Variants in EPB41L5 observed in about 807,000 individuals in gnomAD.
EPB41L5 encodes erythrocyte membrane protein band 4.1 like 5.
Under a neutral mutation model 106.6 loss-of-function variants are expected in EPB41L5, and 55 were observed. The ratio of observed to expected loss-of-function variants is 0.52; its 90% CI spans 0.42 to 0.65. The LOEUF (loss-of-function observed/expected upper bound fraction) is 0.65. Ranked by LOEUF, EPB41L5 falls within the 30% of genes least tolerant of loss-of-function variation. The pLI is 0.00. For missense variants in EPB41L5, 871 were observed against 882.1 expected, an observed-to-expected ratio of 0.99 and a Z score of 0.16; for synonymous variants, 297 against 306.7, an observed-to-expected ratio of 0.97 and a Z score of 0.33.
intron 5 of EPB41L5, among the ~76,000 whole-genome samples, chr2:120,074,969 C>T (rs1373367565): frequency 6.6e-6 from 1 of 152,168 alleles, no homozygotes; most frequent in South Asian, 2.1e-4. Context: ...GCTGGGATTA[C>T]AGGCACGTGC....
chr2:120,104,350 G>C, intron 16 of EPB41L5: 1 of 1,418,488 alleles, frequency 7.0e-7, no homozygotes, highest in Non-Finnish European at 9.2e-7. Flanking sequence ...AGAATTTACA[G>C]TGAGTCACTA....
intron 20 of EPB41L5, among the ~76,000 whole-genome samples, chr2:120,158,053 A>G (rs1295557255): frequency 6.6e-6 from 1 of 152,176 alleles, no homozygotes; most frequent in Non-Finnish European, 1.5e-5. Context: ...GCCAGGAAGA[A>G]ATTGAAACCT....
intron 2 of EPB41L5, among the ~76,000 whole-genome samples, chr2:120,039,658 TC>T (rs1280767289): frequency 6.6e-6 from 1 of 151,932 alleles, no homozygotes; most frequent in Non-Finnish European, 1.5e-5. Context: ...AAATCCCATC[TC>T]TACTAAAAAT....
At chr2:120,158,936 A>G (rs1687016372) in intron 20 of EPB41L5, among the ~76,000 whole-genome samples, 1 of 152,218 alleles carries the variant, frequency 6.6e-6, no homozygotes, top group South Asian at 2.1e-4. Context: ...GCATTCCTAT[A>G]CACCAACAAT....
chr2:120,172,020 AAAG>A (rs1687697939), intron 24 of EPB41L5, among the ~76,000 whole-genome samples: 2 of 73,770 alleles, frequency 2.7e-5, no homozygotes, highest in South Asian at 7.6e-4. Flanking sequence ...AAAAAAAAAA[AAAG>A]GAAAACAAGC....
chr2:120,037,521 A>G (rs1679119199), intron 2 of EPB41L5, among the ~76,000 whole-genome samples: 1 of 152,202 alleles, frequency 6.6e-6, no homozygotes, highest in Non-Finnish European at 1.5e-5. Context: ...AAACTACAGA[A>G]TCAAAAACTG....
At chr2:120,051,351 A>G (rs923031993) in intron 3 of EPB41L5, among the ~76,000 whole-genome samples, 3 of 152,194 alleles carry the variant, frequency 2.0e-5, no homozygotes, top group Non-Finnish European at 2.9e-5. Flanking sequence ...AGCCTCAGCA[A>G]TGGTGGGTGC....
At chr2:120,050,714 T>A (rs765826892) in intron 3 of EPB41L5, among the ~76,000 whole-genome samples, 2 of 152,224 alleles carry the variant, frequency 1.3e-5, no homozygotes, top group Non-Finnish European at 2.9e-5. Context: ...GCTGCGTTCC[T>A]TTGGAGGGGG....
intron 2 of EPB41L5, among the ~76,000 whole-genome samples, chr2:120,032,705 A>G (rs748027569): frequency 9.2e-5 from 14 of 152,214 alleles, no homozygotes; most frequent in African/African-American, 3.4e-4. Flanking sequence ...TCACATTTCC[A>G]GGCCCGGTTT....
At chr2:120,122,129 T>A (rs1020916927) in intron 16 of EPB41L5, among the ~76,000 whole-genome samples, 2 of 152,252 alleles carry the variant, frequency 1.3e-5, no homozygotes, top group East Asian at 3.8e-4. Context: ...GTAGGTTGCC[T>A]GTTCACTCTG....
chr2:120,039,230 C>T (rs1679237698), intron 2 of EPB41L5, among the ~76,000 whole-genome samples: 2 of 151,600 alleles, frequency 1.3e-5, no homozygotes, highest in South Asian at 4.2e-4. Context: ...TGGGCAAATT[C>T]TTAGAGACAG....
chr2:120,156,318 G>A (rs1047859383), intron 20 of EPB41L5, among the ~76,000 whole-genome samples: 6 of 152,280 alleles, frequency 3.9e-5, no homozygotes, highest in African/African-American at 9.6e-5. Flanking sequence ...GGCAGACTGT[G>A]CCTGACTTGC....
intron 3 of EPB41L5, among the ~76,000 whole-genome samples, chr2:120,054,803 A>G (rs1680530384): frequency 6.6e-6 from 1 of 151,442 alleles, no homozygotes; most frequent in African/African-American, 2.4e-5. Context: ...ACTATAGACT[A>G]TAGATATGTG....
intron 12 of EPB41L5, 140 bp from the exon 13 acceptor site, chr2:120,091,415 C>T (rs1178619839): frequency 1.3e-5 from 8 of 606,978 alleles, no homozygotes; most frequent in Non-Finnish European, 2.4e-5. Context: ...AGAGAGAGAT[C>T]GAGACTATTA....
intron 3 of EPB41L5, among the ~76,000 whole-genome samples, chr2:120,046,895 C>T (rs1355637256): frequency 6.6e-6 from 1 of 152,138 alleles, no homozygotes; most frequent in Non-Finnish European, 1.5e-5. Flanking sequence ...CCAGTTTTCC[C>T]AGCACCATTT....
intron 3 of EPB41L5, among the ~76,000 whole-genome samples, chr2:120,050,201 A>T (rs915466860): frequency 6.6e-6 from 1 of 152,064 alleles, no homozygotes; most frequent in African/African-American, 2.4e-5. Context: ...CTGAATTTGA[A>T]TGTTGGCCTG....
intron 12 of EPB41L5, 58 bp downstream of exon 12, chr2:120,090,574 G>T (rs1683342693): frequency 1.4e-6 from 2 of 1,476,162 alleles, no homozygotes; most frequent in Admixed American, 2.0e-5. Context: ...AAAAATTTAG[G>T]CCAATCTTCT....
At chr2:120,144,098 C>T (rs1686297743) in intron 19 of EPB41L5, among the ~76,000 whole-genome samples, 1 of 152,168 alleles carries the variant, frequency 6.6e-6, no homozygotes, top group East Asian at 1.9e-4. Context: ...TTATTATTTG[C>T]TATGGTCTGA....
chr2:120,084,494 G>A (rs987427337), intron 10 of EPB41L5, among the ~76,000 whole-genome samples: 3 of 152,160 alleles, frequency 2.0e-5, no homozygotes, highest in African/African-American at 7.2e-5. Flanking sequence ...CGAGAGATCT[G>A]CTGTTAGTCT....
Sources: gnomAD v4.1 joint callset for allele counts (sites outside exome capture counted in the v4.1 genomes callset) on GRCh38, gnomAD v4.1.1 for gene constraint, MANE v1.5 for transcripts, NCBI Gene and HGNC (gene_info 2026-07-23, HGNC 2026-07-21) for gene names.